Variants in PALB2 observed in about 807,000 individuals in gnomAD.
PALB2 encodes mutant partner and localizer of BRCA2.
Under a neutral mutation model 107.4 loss-of-function variants are expected in PALB2, and 82 were observed. That is an observed-to-expected ratio of 0.76 (90% CI 0.64 to 0.92). PALB2 has a LOEUF of 0.92. PALB2 is among the 40% of genes least tolerant of loss of function. The pLI, the probability that PALB2 is intolerant of heterozygous loss-of-function variation, is 0.00. For missense variants in PALB2, 1,374 were observed against 1,379.9 expected (o/e 1.00, Z 0.07); for synonymous variants, 489 against 496.8 (o/e 0.98, Z 0.21).
chr16:23,627,974 A>G (rs1966849900), intron 6 of PALB2, among the ~76,000 whole-genome samples: 2 of 152,274 alleles, frequency 1.3e-5, no homozygotes, highest in Admixed American at 6.5e-5. Context: ...CTGTGATCCC[A>G]GCACTTTGGG....
intron 12 of PALB2, among the ~76,000 whole-genome samples, chr16:23,606,149 G>A (rs1966469338): frequency 6.6e-6 from 1 of 152,052 alleles, no homozygotes; most frequent in African/African-American, 2.4e-5. Context: ...AATCTCTAGG[G>A]CCAACGACTA....
In PALB2 at chr16:23,603,643, T is replaced by A. The variant is rs752373316; in HGVS notation, c.3377A>T (p.His1126Leu). The change falls in exon 13 of 13, where the codon CAC (histidine) becomes CTC (leucine). Residue 1126 changes from histidine to leucine, a missense_variant. Physicochemically the swap from His to Leu is moderately conservative, Grantham distance 99. Transcript: ENST00000261584. ...GRFLEGDVKD[H>L]CAAAILTSGT... ...AGAAGTCAAGATTGCTGCTGCACAG[T>A]GATCTTTCACGTCACCTTCCAGGAA... The A allele has an allele frequency of 6.2e-7, 1 of 1,613,610 alleles. No homozygotes were observed. Among genetic ancestry groups the A allele is most frequent in the South Asian group, 1.1e-5 (1 of 91,050 alleles).
chr16:23,613,590 G>A (rs1597072762), intron 11 of PALB2, among the ~76,000 whole-genome samples: 2 of 151,956 alleles, frequency 1.3e-5, no homozygotes, highest in South Asian at 4.2e-4. Context: ...GTTGCAGTGA[G>A]CTGAGATCGC....
intron 6 of PALB2, 40 bp from the exon 7 acceptor site, chr16:23,626,437 G>T: frequency 6.2e-7 from 1 of 1,611,708 alleles, no homozygotes; most frequent in Non-Finnish European, 8.5e-7. Context: ...TGGCACTCGA[G>T]TGCTGTTTTA....
At chr16:23,611,485 T>G (rs1002307940) in intron 11 of PALB2, among the ~76,000 whole-genome samples, 7 of 146,750 alleles carry the variant, frequency 4.8e-5, no homozygotes, top group African/African-American at 1.8e-4. Flanking sequence ...TGAGATGGAG[T>G]TTTGCTCTTG....
chr16:23,619,498 GTCTTTAGTAGAGACGAGGTA>G (rs1383062425), intron 10 of PALB2, among the ~76,000 whole-genome samples: 10 of 151,210 alleles, frequency 6.6e-5, no homozygotes, highest in Non-Finnish European at 1.3e-4. Flanking sequence ...TAATTTTTGT[GTCTTTAGTAGAGACGAGGTA>G]TCTTTAGTAG....
chr16:23,611,351 G>GTC (rs1314708505), intron 11 of PALB2, among the ~76,000 whole-genome samples: 3 of 152,028 alleles, frequency 2.0e-5, no homozygotes, highest in African/African-American at 7.2e-5. Flanking sequence ...CATCATGTTG[G>GTC]TCAGGCTGGG....
At position 23,608,801 on chromosome 16, in the gene PALB2, T is replaced by TATATACACACACACAC. The variant is rs560756242; in HGVS notation, c.3202-790_3202-789insGTGTGTGTGTGTATAT. ...ATATTACTGTATGTGTGTATATATATACACACACACACACACACACACATA... is the reference window on the plus strand; with the variant it reads ...ATATTACTGTATGTGTGTATATATATATATACACACACACACACACACACACACACACACACACATA... On this transcript the variant is annotated intron_variant, in intron 11 of 12. Coordinates refer to ENST00000261584, the MANE Select transcript of PALB2 (RefSeq NM_024675.4). Among the ~76,000 whole-genome samples, 1,217 of 143,782 alleles carry TATATACACACACACAC rather than the reference T, an allele frequency of 8.5e-3. 12 individuals carry two copies. The highest frequency in any genetic ancestry group is 0.02 in the African/African-American group (744 of 37,906). The allele number at this position is 143,782 out of a possible 152,430, so 94.3% of individuals were successfully genotyped here. A position where few individuals can be genotyped will look rare whatever the true frequency, so the allele number is the denominator to read the frequency against.
intron 10 of PALB2, among the ~76,000 whole-genome samples, chr16:23,617,072 C>T (rs879440039): frequency 6.6e-6 from 1 of 152,138 alleles, no homozygotes; most frequent in Non-Finnish European, 1.5e-5. Flanking sequence ...ACCTCGGCCT[C>T]CCAAAGTGCT....
intron 1 of PALB2, 146 bp from the exon 2 acceptor site, chr16:23,638,275 C>A (rs1387747055): frequency 1.4e-6 from 1 of 732,452 alleles, no homozygotes; most frequent in East Asian, 2.6e-5. Flanking sequence ...CAAAAAGCAC[C>A]AAGCTCTGAC....
At position 23,623,987 on chromosome 16, in the gene PALB2, T is replaced by G. The variant is rs766701745; in HGVS notation, c.2834+22A>C. 3.1e-5 allele frequency: 47 copies of G among 1,519,814 alleles called. No individual in the cohort carries two copies. Among genetic ancestry groups the G allele is most frequent in the Admixed American group, 6.7e-5 (4 of 59,808 alleles). 94.1% of individuals were successfully genotyped at this position (1,519,814 alleles called of 1,614,324 possible). A position where few individuals can be genotyped will look rare whatever the true frequency, so the allele number is the denominator to read the frequency against. ...GAGACAAAGATGAAGGAAAAACAAA[T>G]CACTCCTTGGGAATTACATACCTGA... is the stretch of plus-strand genomic sequence containing the variant. On this transcript the variant is annotated intron_variant, in intron 8 of 12. Coordinates refer to ENST00000261584, the MANE Select transcript of PALB2 (RefSeq NM_024675.4).
chr16:23,613,861 T>C, intron 11 of PALB2, 143 bp downstream of exon 11: 1 of 684,286 alleles, frequency 1.5e-6, no homozygotes. Flanking sequence ...CATCCTAAAT[T>C]TCAAGAAAGG....
chr16:23,630,996 CCTCACACTTGTAGT>C (rs1966871416), intron 4 of PALB2, among the ~76,000 whole-genome samples: 1 of 151,024 alleles, frequency 6.6e-6, no homozygotes, highest in South Asian at 2.1e-4. Context: ...AGGCATGGTG[CCTCACACTTGTAGT>C]CTCAGCACTT....
intron 11 of PALB2, among the ~76,000 whole-genome samples, chr16:23,609,644 A>C (rs1266262063): frequency 6.6e-6 from 1 of 152,006 alleles, no homozygotes; most frequent in Non-Finnish European, 1.5e-5. Flanking sequence ...CAGCCTCCCG[A>C]GTAGCTGGAA....
intron 4 of PALB2, among the ~76,000 whole-genome samples, chr16:23,631,391 C>G (rs1247250681): frequency 6.6e-6 from 1 of 151,190 alleles, no homozygotes; most frequent in African/African-American, 2.4e-5. Context: ...ATCACTTGAA[C>G]CCGGGAGGCA....
At chr16:23,632,186 T>C (rs1423192637) in intron 4 of PALB2, among the ~76,000 whole-genome samples, 1 of 152,188 alleles carries the variant, frequency 6.6e-6, no homozygotes, top group Non-Finnish European at 1.5e-5. Flanking sequence ...CTCACACCTA[T>C]AATCCCATCA....
At chr16:23,640,879 T>C (rs1967216937) in intron 1 of PALB2, 3 of 571,490 alleles carry the variant, frequency 5.2e-6, no homozygotes, top group Non-Finnish European at 9.5e-6. Context: ...TACAAACTGT[T>C]ACACATTGTA....
At chr16:23,618,065 G>A (rs551358497) in intron 10 of PALB2, among the ~76,000 whole-genome samples, 1 of 152,278 alleles carries the variant, frequency 6.6e-6, no homozygotes, top group South Asian at 2.1e-4. Context: ...TTGGGAGGCT[G>A]AAGTGGGAGG....
At chr16:23,621,540 T>C in intron 9 of PALB2, 62 bp from the exon 10 acceptor site, 1 of 1,026,848 alleles carries the variant, frequency 9.7e-7, no homozygotes, top group South Asian at 1.3e-5. Flanking sequence ...AGGTAGCCCT[T>C]CTCCGCATTG....
Sources: gnomAD v4.1 joint callset for allele counts (sites outside exome capture counted in the v4.1 genomes callset) on GRCh38, gnomAD v4.1.1 for gene constraint, MANE v1.5 for transcripts, NCBI Gene and HGNC (gene_info 2026-07-23, HGNC 2026-07-21) for gene names.